Variants in MAML2 observed in about 807,000 individuals in gnomAD.
MAML2 encodes mastermind like transcriptional coactivator 2, also known as mastermind-like protein 2.
MAML2 carries 22 observed loss-of-function variants against 96.1 expected under a neutral mutation model. That is an observed-to-expected ratio of 0.23 (90% CI 0.16 to 0.33). The LOEUF is 0.33. Among genes scored for constraint, MAML2 ranks in the 10% least tolerant of loss-of-function variants. MAML2 has a pLI of 1.00. For missense variants in MAML2, 1,367 were observed against 1,392.4 expected, an observed-to-expected ratio of 0.98 and a Z score of 0.29; for synonymous variants, 561 against 521.3, an observed-to-expected ratio of 1.08 and a Z score of -1.04.
intron 1 of MAML2, among the ~76,000 whole-genome samples, chr11:96,286,943 A>G (rs992218407): frequency 6.6e-6 from 1 of 152,196 alleles, no homozygotes; most frequent in South Asian, 2.1e-4. Context: ...TTTTGCTGTC[A>G]TGGATAGTTG....
At chr11:96,202,350 C>CAAA (rs3995542) in intron 1 of MAML2, among the ~76,000 whole-genome samples, 12 of 107,492 alleles carry the variant, frequency 1.1e-4, no homozygotes, top group East Asian at 9.0e-4. Flanking sequence ...GACTCCATCT[C>CAAA]AAAAAAAAAA....
At chr11:96,156,255 T>A (rs552633497) in intron 1 of MAML2, among the ~76,000 whole-genome samples, 1 of 152,226 alleles carries the variant, frequency 6.6e-6, no homozygotes, top group Non-Finnish European at 1.5e-5. Context: ...TGGCTCATGC[T>A]GGCCCTGTGC....
chr11:96,077,264 A>G (rs1174504142), intron 2 of MAML2, among the ~76,000 whole-genome samples: 1 of 124,448 alleles, frequency 8.0e-6, no homozygotes. Flanking sequence ...TCTGTCACCC[A>G]GGCTGGAGTG....
intron 2 of MAML2, among the ~76,000 whole-genome samples, chr11:96,047,910 C>CAAA (rs71459784): frequency 1.1e-4 from 9 of 82,450 alleles, no homozygotes; most frequent in Middle Eastern, 6.3e-3. Context: ...GACTCTGCCT[C>CAAA]AAAAAAAAAA....
At chr11:96,145,024 T>C (rs1425667091) in intron 1 of MAML2, among the ~76,000 whole-genome samples, 2 of 152,228 alleles carry the variant, frequency 1.3e-5, no homozygotes, top group Admixed American at 6.5e-5. Context: ...TAATAATCCC[T>C]ACATTTGTAT....
intron 1 of MAML2, among the ~76,000 whole-genome samples, chr11:96,245,827 C>T (rs7101828): frequency 0.032 from 4,831 of 151,872 alleles, 257 homozygotes; most frequent in African/African-American, 0.11. Flanking sequence ...GCCTCAGCCT[C>T]CTGAGTAGCT....
chr11:96,174,282 A>C (rs1161384670), intron 1 of MAML2, among the ~76,000 whole-genome samples: 1 of 152,224 alleles, frequency 6.6e-6, no homozygotes, highest in African/African-American at 2.4e-5. Context: ...GGTTCTTACC[A>C]ATCGCATATC....
chr11:96,327,695 A>G (rs1863803631), intron 1 of MAML2, among the ~76,000 whole-genome samples: 1 of 151,974 alleles, frequency 6.6e-6, no homozygotes, highest in East Asian at 1.9e-4. Context: ...TTTGGATTAC[A>G]GGCATGAGCA....
intron 1 of MAML2, among the ~76,000 whole-genome samples, chr11:96,253,404 C>T (rs958400444): frequency 2.0e-5 from 3 of 152,148 alleles, no homozygotes; most frequent in Non-Finnish European, 4.4e-5. Flanking sequence ...CAACACAAGA[C>T]GAAATCACAA....
intron 2 of MAML2, among the ~76,000 whole-genome samples, chr11:96,030,655 T>C (rs144175178): frequency 3.8e-4 from 58 of 152,254 alleles, no homozygotes; most frequent in African/African-American, 1.4e-3. Flanking sequence ...GTATACATGG[T>C]AGAGATCATT....
chr11:96,110,396 T>A (rs1591018925), intron 1 of MAML2, among the ~76,000 whole-genome samples: 2 of 152,228 alleles, frequency 1.3e-5, no homozygotes, highest in African/African-American at 4.8e-5. Context: ...CTTGCCTAAT[T>A]CTTTCACTTT....
At chr11:96,096,244 C>T (rs771832444) in intron 1 of MAML2, among the ~76,000 whole-genome samples, 22 of 152,160 alleles carry the variant, frequency 1.4e-4, no homozygotes, top group Admixed American at 1.0e-3. Flanking sequence ...GTGCAGTATG[C>T]GCTCTGGGAA....
intron 2 of MAML2, among the ~76,000 whole-genome samples, chr11:96,045,134 C>A (rs11021399): frequency 0.22 from 33,868 of 152,056 alleles, 4,692 homozygotes; most frequent in Non-Finnish European, 0.32. Flanking sequence ...GGAAGAGCAG[C>A]CTTTTTCTAA....
In MAML2 at chr11:95,991,526, A is replaced by G; in HGVS notation, c.2337T>C (p.Ala779=). The G allele has an allele frequency of 6.2e-7, 1 of 1,613,218 alleles. No individual in the cohort carries two copies. Among genetic ancestry groups the G allele is most frequent in the African/African-American group, 1.3e-5 (1 of 75,030 alleles). Residue 779 remains alanine (A), a synonymous_variant, in exon 3 of 5, where the codon GCT becomes GCC. Transcript: ENST00000524717. ...QQLLLQQQML[A]DAEKIAPQDQ... The stretch of plus-strand genomic sequence containing the variant: ...AATTAAGAGAAAGTTTTACCGCGTC[A>G]GCCAGCATCTGCTGCTGGAGAAGAA...
At chr11:96,275,928 G>A (rs900686348) in intron 1 of MAML2, among the ~76,000 whole-genome samples, 2 of 152,088 alleles carry the variant, frequency 1.3e-5, no homozygotes, top group African/African-American at 4.8e-5. Flanking sequence ...CTACTTCCAA[G>A]CTCCAGGAAC....
chr11:96,322,901 T>C (rs1387957222), intron 1 of MAML2, among the ~76,000 whole-genome samples: 2 of 152,174 alleles, frequency 1.3e-5, no homozygotes. Flanking sequence ...GTGTGCCTAG[T>C]ATTAGTGGAG....
At chr11:96,250,148 T>A (rs1360528867) in intron 1 of MAML2, among the ~76,000 whole-genome samples, 1 of 152,196 alleles carries the variant, frequency 6.6e-6, no homozygotes, top group Admixed American at 6.5e-5. Flanking sequence ...TATCACCCTA[T>A]GGCACACTAC....
intron 1 of MAML2, among the ~76,000 whole-genome samples, chr11:96,265,801 C>T (rs1432563480): frequency 2.0e-5 from 3 of 152,194 alleles, no homozygotes; most frequent in Admixed American, 6.5e-5. Flanking sequence ...GGCCCCCAAG[C>T]GGCCCAACTT....
chr11:96,068,960 C>T (rs11021416), intron 2 of MAML2, among the ~76,000 whole-genome samples: 55,038 of 138,942 alleles, frequency 0.4, 11,038 homozygotes, highest in Middle Eastern at 0.44. Context: ...CTTCCTCTTC[C>T]ATCTAGGCTG....
Sources: gnomAD v4.1 joint callset for allele counts (sites outside exome capture counted in the v4.1 genomes callset) on GRCh38, gnomAD v4.1.1 for gene constraint, MANE v1.5 for transcripts, NCBI Gene and HGNC (gene_info 2026-07-23, HGNC 2026-07-21) for gene names.